BMAL2: variants seen among roughly 807,000 people sequenced by gnomAD.
The protein encoded by BMAL2 is basic helix-loop-helix ARNT-like protein 2.
At chr12:27,379,797 T>A in the BMAL2 span, among the ~76,000 whole-genome samples, 1 of 151,704 alleles carries the variant, frequency 6.6e-6, no homozygotes, top group Non-Finnish European at 1.5e-5. Context: ...CAACTAGAAT[T>A]AGTGAAAGGG....
chr12:27,393,922 G>A, the BMAL2 span, among the ~76,000 whole-genome samples: 1 of 152,158 alleles, frequency 6.6e-6, no homozygotes, highest in Non-Finnish European at 1.5e-5. Context: ...TTTGAATACT[G>A]AAAGATTACT....
At chr12:27,394,330 G>C in the BMAL2 span, 2 of 152,194 alleles carry the variant, frequency 1.3e-5, no homozygotes, top group Non-Finnish European at 2.9e-5. Flanking sequence ...CTGGTGGCTT[G>C]AGTCCCAGGT....
chr12:27,379,515 C>T, the BMAL2 span, among the ~76,000 whole-genome samples: 5 of 152,096 alleles, frequency 3.3e-5, no homozygotes, highest in South Asian at 2.1e-4. Flanking sequence ...GGGACTGAAC[C>T]GAGCAGGGAG....
chr12:27,362,258 A>G, the BMAL2 span, among the ~76,000 whole-genome samples: 2 of 152,144 alleles, frequency 1.3e-5, no homozygotes, highest in African/African-American at 4.8e-5. Flanking sequence ...TTCAAAATCC[A>G]TTAGAATGAA....
the BMAL2 span, chr12:27,385,410 T>C: frequency 1.2e-6 from 1 of 860,900 alleles, no homozygotes; most frequent in South Asian, 1.5e-5. Flanking sequence ...AGCAGCAGCA[T>C]TGCTAATGTT....
chr12:27,345,773 G>A, the BMAL2 span, among the ~76,000 whole-genome samples: 3 of 152,056 alleles, frequency 2.0e-5, no homozygotes, highest in Non-Finnish European at 4.4e-5. Flanking sequence ...AAAAGTGCTG[G>A]GATTACAGGC....
chr12:27,411,230 C>T, the BMAL2 span, among the ~76,000 whole-genome samples: 45 of 152,098 alleles, frequency 3.0e-4, no homozygotes, highest in Admixed American at 5.9e-4. Flanking sequence ...CATGCTCAAG[C>T]GATCCTCCTG....
the BMAL2 span, among the ~76,000 whole-genome samples, chr12:27,382,697 G>A: frequency 6.6e-6 from 1 of 152,154 alleles, no homozygotes; most frequent in South Asian, 2.1e-4. Context: ...ACACTTGCTC[G>A]GCAAAAACTT....
the BMAL2 span, chr12:27,401,491 C>T: frequency 6.4e-7 from 1 of 1,553,958 alleles, no homozygotes; most frequent in South Asian, 1.2e-5. Context: ...TAGTCATTGA[C>T]TATTATGCTG....
the BMAL2 span, chr12:27,333,179 G>T: frequency 2.5e-6 from 3 of 1,187,302 alleles, no homozygotes; most frequent in Non-Finnish European, 3.1e-6. Flanking sequence ...TCCCCGCGAC[G>T]CCAGGTCTGC....
At chr12:27,400,656 G>A in the BMAL2 span, 1 of 1,613,964 alleles carries the variant, frequency 6.2e-7, no homozygotes, top group African/African-American at 1.3e-5. Flanking sequence ...CTGCCTTGTG[G>A]CCATTGGAAG....
chr12:27,390,266 C>CT, the BMAL2 span: 1 of 1,603,540 alleles, frequency 6.2e-7, no homozygotes, highest in South Asian at 1.1e-5. Context: ...TCAAGTGATG[C>CT]AAAGCATGGC....
At chr12:27,380,298 G>C in the BMAL2 span, 5 of 1,614,038 alleles carry the variant, frequency 3.1e-6, no homozygotes, top group South Asian at 2.2e-5. Flanking sequence ...TGAATAACCT[G>C]ATTGAAGAAC....
chr12:27,360,065 A>G, the BMAL2 span, among the ~76,000 whole-genome samples: 1 of 151,254 alleles, frequency 6.6e-6, no homozygotes, highest in Admixed American at 6.6e-5. Context: ...AAAAAAAAAA[A>G]AAAAAAAGTA....
At chr12:27,382,959 A>G in the BMAL2 span, among the ~76,000 whole-genome samples, 1 of 152,192 alleles carries the variant, frequency 6.6e-6, no homozygotes, top group African/African-American at 2.4e-5. Context: ...AAAGCCTCTA[A>G]ATACTTCTTA....
At chr12:27,372,953 G>A in the BMAL2 span, among the ~76,000 whole-genome samples, 71 of 152,248 alleles carry the variant, frequency 4.7e-4, no homozygotes, top group Non-Finnish European at 8.2e-4. Context: ...GATTACAGGC[G>A]TGAGCCACTG....
the BMAL2 span, among the ~76,000 whole-genome samples, chr12:27,370,451 G>C: frequency 6.6e-6 from 1 of 152,096 alleles, no homozygotes; most frequent in South Asian, 2.1e-4. Flanking sequence ...CTTTCCCCAG[G>C]ACTCAGTGCA....
chr12:27,332,893 G>GC, the BMAL2 span: 1 of 239,256 alleles, frequency 4.2e-6, no homozygotes, highest in Non-Finnish European at 7.3e-6. Flanking sequence ...CGGCCGGGCT[G>GC]CGGGGCGGCG....
chr12:27,359,600 T>C, the BMAL2 span, among the ~76,000 whole-genome samples: 1 of 152,082 alleles, frequency 6.6e-6, no homozygotes, highest in Non-Finnish European at 1.5e-5. Context: ...GAATATCGCT[T>C]GAGCCCAGGA....
Sources: allele counts gnomAD v4.1 joint callset (sites outside exome capture counted in the v4.1 genomes callset), GRCh38; gene constraint gnomAD v4.1.1; transcripts MANE v1.5; gene names NCBI Gene and HGNC (gene_info 2026-07-23, HGNC 2026-07-21).